The following FAM20A variants were observed in gnomAD, a reference collection of about 807,000 sequenced individuals.
The protein encoded by FAM20A is pseudokinase FAM20A.
FAM20A carries 42 observed loss-of-function variants against 52.0 expected under a neutral mutation model. The observed-to-expected ratio is 0.81, with a 90% CI of 0.63 to 1.04. The LOEUF is 1.04. FAM20A is among the 50% of genes least tolerant of loss of function. The pLI is 0.00. For synonymous variants in FAM20A, 304 were observed against 298.9 expected, an observed-to-expected ratio of 1.02 and a Z score of -0.18; for missense variants, 742 against 712.7, an observed-to-expected ratio of 1.04 and a Z score of -0.47.
intron 1 of FAM20A, among the ~76,000 whole-genome samples, chr17:68,587,718 G>A (rs370276692): frequency 1.3e-5 from 2 of 152,146 alleles, no homozygotes; most frequent in African/African-American, 4.8e-5. Context: ...AGAGTCTTAC[G>A]AATTATAAAG....
intron 1 of FAM20A, among the ~76,000 whole-genome samples, chr17:68,560,373 T>C (rs1598034708): frequency 6.7e-6 from 1 of 149,160 alleles, no homozygotes; most frequent in South Asian, 2.1e-4. Context: ...GATTTCGGAA[T>C]GCTATCTCAT....
chr17:68,579,993 A>C (rs2087895467), intron 1 of FAM20A, among the ~76,000 whole-genome samples: 1 of 146,306 alleles, frequency 6.8e-6, no homozygotes, highest in African/African-American at 2.5e-5. Flanking sequence ...CTTTTGATTT[A>C]ATACTATTAA....
At chr17:68,548,789 G>T (rs2086693056) in intron 4 of FAM20A, among the ~76,000 whole-genome samples, 1 of 133,696 alleles carries the variant, frequency 7.5e-6, no homozygotes, top group Non-Finnish European at 1.5e-5. Context: ...CTGGAGTGCA[G>T]TGGCTCGATC....
Position 68,540,099 on chromosome 17 carries a change from A to C in FAM20A, c.1220-133T>G, listed in dbSNP as rs2086222011. Reference sequence around the variant, plus strand: ...GGGTGTGAACGAAGCTGGGCCTCACACTGTCATTTCCTCAGGGCCATCAGT... The same window carrying C: ...GGGTGTGAACGAAGCTGGGCCTCACCCTGTCATTTCCTCAGGGCCATCAGT... On this transcript the variant is annotated intron_variant, in intron 8 of 10. Transcript: ENST00000592554. 5.2e-6 allele frequency: 4 copies of C among 763,208 alleles called. No homozygotes were observed. The East Asian group carries it at 1.1e-4, about 20-fold the overall frequency. The allele number at this position is 763,208 out of a possible 1,614,324, so 47.3% of individuals were successfully genotyped here. A position where few individuals can be genotyped will look rare whatever the true frequency, so the allele number is the denominator to read the frequency against.
chr17:68,572,005 T>C (rs1003974714), intron 1 of FAM20A, among the ~76,000 whole-genome samples: 29 of 38,272 alleles, frequency 7.6e-4, no homozygotes, highest in African/African-American at 2.5e-3. Flanking sequence ...TATATATATA[T>C]ATATATATAT....
In FAM20A at chr17:68,600,667, G is replaced by A. The variant is rs1225221977; in HGVS notation, c.-1C>T. Reference sequence around the variant, plus strand: ...GGCGGTCCCGGCGCAGCCCCGGCATGGCGTGCTGGCCAAGGGGGACGCCGG... The same window carrying A: ...GGCGGTCCCGGCGCAGCCCCGGCATAGCGTGCTGGCCAAGGGGGACGCCGG... On this transcript the variant is annotated 5_prime_UTR_variant, in exon 1 of 11. Transcript: ENST00000592554. The surrounding 1 kb of genome is among the most constrained non-coding windows in gnomAD (Gnocchi z 6.2). 8 of 1,541,834 alleles carry A rather than the reference G, an allele frequency of 5.2e-6. No homozygotes were observed. The African/African-American group carries it at 9.5e-5, about 18-fold the overall frequency.
intron 6 of FAM20A, 86 bp downstream of exon 6, chr17:68,542,608 G>A (rs922966531): frequency 2.3e-5 from 23 of 991,690 alleles, no homozygotes; most frequent in African/African-American, 1.9e-4. Context: ...TAGCAGCAGG[G>A]TGTCAGGCCA....
chr17:68,556,334 AAAAT>A (rs1407441340), intron 1 of FAM20A, among the ~76,000 whole-genome samples: 1 of 152,230 alleles, frequency 6.6e-6, no homozygotes. Context: ...AAAAAAGAGA[AAAAT>A]AAAAAAGATG....
chr17:68,541,742 G>A (rs2086305759), intron 7 of FAM20A: 2 of 452,836 alleles, frequency 4.4e-6, no homozygotes, highest in Admixed American at 3.6e-5. Flanking sequence ...GAGAGTCTGA[G>A]TCTTCCATTT....
chr17:68,540,937 G>A lies in FAM20A; in HGVS notation c.1131C>T (p.Tyr377=). ...GGTAGATCTGTTTCACTGTGTCACA[G>A]TAAAGGGGATTGACCTCCCACCTGA... The part of the protein sequence containing the change: ...GKEEWEVNPL[Y]CDTVKQIYPY... The change falls in exon 8 of 11, where the codon TAC becomes TAT. Residue 377 remains tyrosine (Y), a synonymous_variant. Coordinates refer to ENST00000592554, the MANE Select transcript of FAM20A (RefSeq NM_017565.4). 6.3e-7 allele frequency: 1 copy of A among 1,595,980 alleles called. No individual in the cohort carries two copies. The highest frequency in any genetic ancestry group is 1.1e-5 in the South Asian group (1 of 88,544).
At chr17:68,597,032 TAAA>T (rs2088471904) in intron 1 of FAM20A, among the ~76,000 whole-genome samples, 2 of 152,014 alleles carry the variant, frequency 1.3e-5, no homozygotes, top group African/African-American at 4.8e-5. Flanking sequence ...AAATATTAAT[TAAA>T]AACCCAAGAC....
intron 4 of FAM20A, among the ~76,000 whole-genome samples, chr17:68,544,508 T>C (rs1452383638): frequency 6.6e-6 from 1 of 152,164 alleles, no homozygotes; most frequent in Non-Finnish European, 1.5e-5. Flanking sequence ...AATTTTATAA[T>C]CCACTGTGTG....
At chr17:68,557,925 C>CTA (rs796539772) in intron 1 of FAM20A, among the ~76,000 whole-genome samples, 5 of 152,278 alleles carry the variant, frequency 3.3e-5, no homozygotes, top group African/African-American at 1.2e-4. Flanking sequence ...GAACCTGTGA[C>CTA]TATGAAGCAC....
At chr17:68,555,438 T>C in intron 2 of FAM20A, 121 bp downstream of exon 2, 1 of 1,082,210 alleles carries the variant, frequency 9.2e-7, no homozygotes, top group Non-Finnish European at 1.4e-6. Flanking sequence ...CATATGTTCC[T>C]CTTCTCTCAG....
intron 1 of FAM20A, among the ~76,000 whole-genome samples, chr17:68,585,785 T>A (rs1182494977): frequency 6.6e-6 from 1 of 152,152 alleles, no homozygotes; most frequent in Non-Finnish European, 1.5e-5. Context: ...GCCTGGGACA[T>A]GACTTTGGAA....
At chr17:68,557,693 A>G (rs556259417) in intron 1 of FAM20A, 1 of 152,208 alleles carries the variant, frequency 6.6e-6, no homozygotes, top group East Asian at 1.9e-4. Context: ...TTTCTCTCCT[A>G]TTTCTGACAC....
At chr17:68,568,306 A>T (rs1373082487) in intron 1 of FAM20A, among the ~76,000 whole-genome samples, 2 of 151,670 alleles carry the variant, frequency 1.3e-5, no homozygotes, top group Non-Finnish European at 1.5e-5. Flanking sequence ...CGTCTCTACT[A>T]AAAATACAAA....
chr17:68,583,183 G>A (rs1305762258), intron 1 of FAM20A, among the ~76,000 whole-genome samples: 1 of 152,038 alleles, frequency 6.6e-6, no homozygotes, highest in African/African-American at 2.4e-5. Context: ...CAGCATTTTA[G>A]ATACCTGGGT....
chr17:68,581,431 CTTTCT>C (rs1487144376), intron 1 of FAM20A, among the ~76,000 whole-genome samples: 81 of 105,926 alleles, frequency 7.6e-4, no homozygotes, highest in African/African-American at 3.1e-3. Context: ...TCTTTTCTTT[CTTTCT>C]TTTCTTTTTT....
Sources: gnomAD v4.1 joint callset for allele counts (sites outside exome capture counted in the v4.1 genomes callset) on GRCh38, gnomAD v4.1.1 for gene constraint, Gnocchi (gnomAD v3.1) non-coding constraint, MANE v1.5 for transcripts, NCBI Gene and HGNC (gene_info 2026-07-23, HGNC 2026-07-21) for gene names.